The following SVEP1 variants were observed in gnomAD, a reference collection of about 807,000 sequenced individuals.
The protein encoded by SVEP1 is sushi, von Willebrand factor type A, EGF and pentraxin domain containing 1.
A neutral mutation model predicts 367.3 loss-of-function variants in SVEP1; 164 were observed. That is an observed-to-expected ratio of 0.45 (90% confidence interval 0.39 to 0.51). The LOEUF (loss-of-function observed/expected upper bound fraction) is 0.51. Ranked by LOEUF, SVEP1 falls within the 20% of genes least tolerant of loss-of-function variation. SVEP1 has a pLI of 0.00. For synonymous variants in SVEP1, 1,666 were observed against 1,611.6 expected (o/e 1.03, Z -0.81); for missense variants, 4,117 against 4,425.3 (o/e 0.93, Z 1.98).
chr9:110,575,194 G>A (rs1272484456), intron 1 of SVEP1, among the ~76,000 whole-genome samples: 2 of 152,244 alleles, frequency 1.3e-5, no homozygotes, highest in Admixed American at 1.3e-4. Flanking sequence ...CTGAAGAGCA[G>A]CACTGGGAAC....
chr9:110,429,086 A>G, intron 35 of SVEP1, 57 bp downstream of exon 35: 4 of 1,366,578 alleles, frequency 2.9e-6, no homozygotes, highest in Non-Finnish European at 3.9e-6. Flanking sequence ...TTAAAATAAA[A>G]TAGGGAGCGA....
chr9:110,381,117 G>A (rs1260559821), intron 43 of SVEP1, among the ~76,000 whole-genome samples: 1 of 151,294 alleles, frequency 6.6e-6, no homozygotes, highest in Non-Finnish European at 1.5e-5. Context: ...TTTTTAATTA[G>A]CTAGTGGTCT....
chr9:110,513,134 G>T (rs983959307), intron 4 of SVEP1, 29 bp from the exon 5 acceptor site: 2 of 1,578,874 alleles, frequency 1.3e-6, no homozygotes, highest in African/African-American at 1.4e-5. Context: ...AAATTGAAAA[G>T]CAAAGTTAGC....
chr9:110,413,763 A>T (rs1828079130), intron 36 of SVEP1, among the ~76,000 whole-genome samples: 2 of 151,994 alleles, frequency 1.3e-5, no homozygotes, highest in Admixed American at 6.5e-5. Flanking sequence ...ATTATATTTG[A>T]GTCATGCTTA....
chr9:110,370,068 G>T, intron 46 of SVEP1, 52 bp from the exon 47 acceptor site: 1 of 1,528,132 alleles, frequency 6.5e-7, no homozygotes, highest in South Asian at 1.2e-5. Flanking sequence ...CAATTCTGAT[G>T]ATATCCATAA....
chr9:110,531,714 G>C (rs1314865458), intron 3 of SVEP1, among the ~76,000 whole-genome samples: 1 of 152,118 alleles, frequency 6.6e-6, no homozygotes, highest in Non-Finnish European at 1.5e-5. Flanking sequence ...GAAATAGTTT[G>C]ATTAATGGAT....
chr9:110,471,580 C>G lies in SVEP1; in HGVS notation c.2782G>C (p.Asp928His). ...FNITASVPLP[D>H]ERNDTLEWEN... Reference sequence around the variant, plus strand: ...CATTCAAGGGTATCATTTCTTTCATCGGGTAATGGCACACTAGCTGAGATA... The same window carrying G: ...CATTCAAGGGTATCATTTCTTTCATGGGGTAATGGCACACTAGCTGAGATA... The change falls in exon 16 of 48, where the codon GAT becomes CAT. Residue 928 changes from aspartate (D) to histidine (H), a missense_variant. Around this residue, in one of 4 missense-constraint regions of SVEP1, gnomAD observed 2,174 missense variants for 2,494.3 expected, o/e 0.87. Transcript: ENST00000374469. The G allele has an allele frequency of 6.2e-7, 1 of 1,613,214 alleles. No homozygotes were observed. Among genetic ancestry groups the G allele is most frequent in the Non-Finnish European group, 8.5e-7 (1 of 1,179,542 alleles).
At chr9:110,474,278 G>A (rs1020248972) in intron 14 of SVEP1, among the ~76,000 whole-genome samples, 2 of 152,270 alleles carry the variant, frequency 1.3e-5, no homozygotes, top group East Asian at 3.9e-4. Context: ...GGGATTACAG[G>A]TGTGAGCCAT....
intron 7 of SVEP1, among the ~76,000 whole-genome samples, chr9:110,498,278 T>C (rs1829481569): frequency 6.6e-6 from 1 of 152,190 alleles, no homozygotes; most frequent in Non-Finnish European, 1.5e-5. Flanking sequence ...TCTAAAGGAT[T>C]AAGCCATTCT....
At chr9:110,387,884 A>C (rs1453876624) in intron 41 of SVEP1, among the ~76,000 whole-genome samples, 1 of 152,248 alleles carries the variant, frequency 6.6e-6, no homozygotes, top group Non-Finnish European at 1.5e-5. Flanking sequence ...ATAAATAACA[A>C]ATACATTTTT....
chr9:110,563,886 G>A (rs530539457), intron 1 of SVEP1, among the ~76,000 whole-genome samples: 22 of 152,232 alleles, frequency 1.4e-4, no homozygotes, highest in African/African-American at 5.3e-4. Flanking sequence ...TGTAGTACCT[G>A]TCTACTGGTA....
intron 3 of SVEP1, among the ~76,000 whole-genome samples, chr9:110,528,156 G>GTGTGTATGTATATATA: frequency 5.9e-5 from 2 of 33,940 alleles, no homozygotes; most frequent in Non-Finnish European, 1.1e-4. Context: ...GTGTGTGTGT[G>GTGTGTATGTATATATA]TATATATATA....
At chr9:110,451,735 A>G (rs547913130) in intron 22 of SVEP1, among the ~76,000 whole-genome samples, 28 of 152,136 alleles carry the variant, frequency 1.8e-4, no homozygotes, top group Non-Finnish European at 3.1e-4. Context: ...TATTCCCTTT[A>G]GAGTTAAGTG....
Position 110,415,067 on chromosome 9 carries a change from A to G in SVEP1, c.5976-3332T>C, listed in dbSNP as rs1004194014. On this transcript the variant is annotated intron_variant, in intron 36 of 47. Transcript: ENST00000374469. ...TACGTATTTGAGCAAACAACTGAAA[A>G]CCCCCTACGTTTGAGGGTTTTGATA... is the stretch of plus-strand genomic sequence containing the variant. Among the ~76,000 whole-genome samples, 24 of 151,840 alleles carry G rather than the reference A, an allele frequency of 1.6e-4. 2 individuals carry two copies. The highest frequency in any genetic ancestry group is 3.4e-3 in the Middle Eastern group (1 of 294).
Position 110,407,094 on chromosome 9 carries a change from G to A in SVEP1, c.8506C>T (p.Pro2836Ser), listed in dbSNP as rs913409104. The stretch of plus-strand genomic sequence containing the variant: ...ACCTGGCCATTGGCTGAGACTGGGG[G>A]TGAACTGCAGTCCACAGGAATGCAA... The part of the protein sequence containing the change: ...PICIPVDCSS[P>S]PVSANGQVRG... Residue 2836 changes from proline to serine, a missense_variant, in exon 38 of 48, where the codon CCC becomes TCC. Physicochemically the swap from Pro to Ser is moderately conservative, Grantham distance 74. This residue lies in a region of SVEP1 where 1,765 missense variants were observed against 1,781.1 expected (regional missense o/e 0.99). Transcript: ENST00000374469. 3 of 1,613,994 alleles carry A rather than the reference G, an allele frequency of 1.9e-6. No individual in the cohort carries two copies. The highest frequency in any genetic ancestry group is 2.5e-6 in the Non-Finnish European group (3 of 1,179,884).
rs1004184975 is a variant in SVEP1, at chr9:110,408,313, G to A, written c.7287C>T (p.Ser2429=). ...TTLCQPDGTW[S]SPLPECVPVE... ...CTGGAACACATTCTGGCAGTGGAGA[G>A]CTCCAGGTGCCATCAGGTTGGCAGA... Residue 2429 remains serine (S), a synonymous_variant, in exon 38 of 48, where the codon AGC becomes AGT. Coordinates refer to ENST00000374469, the MANE Select transcript of SVEP1 (RefSeq NM_153366.4). 2.5e-6 allele frequency: 4 copies of A among 1,613,920 alleles called. No individual in the cohort carries two copies. Among genetic ancestry groups the A allele is most frequent in the Admixed American group, 1.7e-5 (1 of 60,018 alleles).
chr9:110,407,989 G>C lies in SVEP1; in HGVS notation c.7611C>G (p.Thr2537=), dbSNP rs764721024. The C allele has an allele frequency of 2.5e-6, 4 of 1,613,902 alleles. No homozygotes were observed. The African/African-American group carries it at 5.3e-5, about 22-fold the overall frequency. Residue 2537 remains threonine (T), a synonymous_variant, in exon 38 of 48, where the codon ACC becomes ACG. Transcript: ENST00000374469. ...GFRLEGPSAL[T]CLETGDWDVD... ...CATCCCAATCACCTGTCTCTAAACA[G>C]GTCAAGGCACTGGGACCTTCGAGCC...
chr9:110,434,665 C>CCAAAAAAAAAAAAA (rs1828404499), intron 29 of SVEP1, among the ~76,000 whole-genome samples, 159 bp from the exon 30 acceptor site: 1 of 4,720 alleles, frequency 2.1e-4, no homozygotes, highest in Non-Finnish European at 4.1e-4. Flanking sequence ...AGCAAAATCA[C>CCAAAAAAAAAAAAA]TAAAAAAAAA....
intron 22 of SVEP1, among the ~76,000 whole-genome samples, chr9:110,452,638 T>C (rs1029212299): frequency 2.0e-5 from 3 of 152,226 alleles, no homozygotes; most frequent in African/African-American, 7.2e-5. Context: ...TCTTAGAATA[T>C]AAGCTGAGAG....
Sources: allele counts gnomAD v4.1 joint callset (sites outside exome capture counted in the v4.1 genomes callset), GRCh38; gene constraint gnomAD v4.1.1; regional missense constraint gnomAD v4.1.1; transcripts MANE v1.5; gene names NCBI Gene and HGNC (gene_info 2026-07-23, HGNC 2026-07-21).